Variants in CCDC15 observed in about 807,000 individuals in gnomAD.
CCDC15 encodes the protein coiled-coil domain containing 15, also known as coiled-coil domain-containing protein 15.
In CCDC15, 105 loss-of-function variants were observed where a neutral mutation model predicts 114.5. That is an observed-to-expected ratio of 0.92 (90% CI 0.78 to 1.08). The LOEUF (loss-of-function observed/expected upper bound fraction) is 1.08. CCDC15 is among the 50% of genes least tolerant of loss of function. The pLI, the probability that CCDC15 is intolerant of heterozygous loss-of-function variation, is 0.00. For missense variants in CCDC15, 1,105 were observed against 1,093.6 expected, an observed-to-expected ratio of 1.01 and a Z score of -0.15; for synonymous variants, 334 against 377.8, an observed-to-expected ratio of 0.88 and a Z score of 1.34.
Position 124,987,479 on chromosome 11 carries a change from C to G in CCDC15, c.1253C>G (p.Ala418Gly). 6.2e-7 allele frequency: 1 copy of G among 1,613,910 alleles called. No individual in the cohort carries two copies. Among genetic ancestry groups the G allele is most frequent in the Non-Finnish European group, 8.5e-7 (1 of 1,179,854 alleles). The change falls in exon 8 of 16, where the codon GCT becomes GGT. Residue 418 changes from alanine to glycine, a missense_variant. Physicochemically the swap from Ala to Gly is moderately conservative, Grantham distance 60. Coordinates refer to ENST00000344762, the MANE Select transcript of CCDC15 (RefSeq NM_025004.3). The stretch of plus-strand genomic sequence containing the variant: ...CAGGATTTTCTACCCACAAATCAGG[C>G]TCTTCTAACGAAAAACCAGGATGTT... ...KTQDFLPTNQ[A>G]LLTKNQDVLL...
chr11:125,020,500 T>C (rs4936969), intron 13 of CCDC15, among the ~76,000 whole-genome samples: 121,361 of 151,908 alleles, frequency 0.8, 48,689 homozygotes, highest in East Asian at 0.93. Flanking sequence ...GAATTCTCTT[T>C]GAAATGCAAA....
Position 124,987,331 on chromosome 11 carries a change from G to T in CCDC15, c.1105G>T (p.Val369Phe). The stretch of plus-strand genomic sequence containing the variant: ...CCAGGCTGTTGAAATGAAGGTTCAG[G>T]TTACTGAGCCAGAAGGCCAGGCCAT... ...DTQAVEMKVQ[V>F]TEPEGQAIEP... The change falls in exon 8 of 16, where the codon GTT (valine) becomes TTT (phenylalanine). Residue 369 changes from valine (V) to phenylalanine (F), a missense_variant. By Grantham distance (50) the Val-to-Phe change is conservative. Transcript: ENST00000344762. The T allele has an allele frequency of 6.2e-7, 1 of 1,613,824 alleles. No homozygotes were observed. The highest frequency in any genetic ancestry group is 8.5e-7 in the Non-Finnish European group (1 of 1,179,852).
intron 4 of CCDC15, among the ~76,000 whole-genome samples, chr11:124,974,420 T>C (rs959183456): frequency 9.9e-5 from 15 of 152,224 alleles, no homozygotes; most frequent in African/African-American, 3.6e-4. Flanking sequence ...TTTCTGGAGA[T>C]AAGGAATGAA....
chr11:125,028,367 A>G (rs1948718710), intron 13 of CCDC15, among the ~76,000 whole-genome samples: 1 of 152,146 alleles, frequency 6.6e-6, no homozygotes, highest in African/African-American at 2.4e-5. Context: ...CGTCATTTTA[A>G]CAATGTTGAT....
chr11:125,015,155 A>G (rs1438435387), intron 13 of CCDC15, among the ~76,000 whole-genome samples: 1 of 152,190 alleles, frequency 6.6e-6, no homozygotes, highest in Non-Finnish European at 1.5e-5. Flanking sequence ...TTAATATAAA[A>G]TTAAAAAGGC....
rs543296409 is a variant in CCDC15 at position 124,986,718 on chromosome 11, C to A, written c.754-24C>A. 5 of 1,529,830 alleles carry A rather than the reference C, an allele frequency of 3.3e-6. 1 individual carries two copies. In the South Asian group the frequency reaches 3.7e-5, roughly 11 times the overall value. 94.8% of individuals were successfully genotyped at this position (1,529,830 alleles called of 1,614,324 possible). ...GTGTGTGTGCGCGCGCGCGCGTGCG[C>A]GTTTTCATTGTTTTTTTCTTTAGGA... is the stretch of plus-strand genomic sequence containing the variant. On this transcript the variant is annotated intron_variant, in intron 6 of 15. Coordinates refer to ENST00000344762, the MANE Select transcript of CCDC15 (RefSeq NM_025004.3).
At chr11:125,021,361 A>G (rs1202197505) in intron 13 of CCDC15, among the ~76,000 whole-genome samples, 1 of 151,834 alleles carries the variant, frequency 6.6e-6, no homozygotes, top group Non-Finnish European at 1.5e-5. Context: ...CCTTTTCTTC[A>G]TTATTGTTCC....
intron 4 of CCDC15, 140 bp downstream of exon 4, chr11:124,960,143 T>A: frequency 1.8e-6 from 1 of 547,372 alleles, no homozygotes. Context: ...CCCTTTTTTT[T>A]TTTTTTTAGC....
chr11:124,991,379 C>A (rs1273116804), intron 8 of CCDC15, 82 bp from the exon 9 acceptor site: 2 of 911,712 alleles, frequency 2.2e-6, no homozygotes, highest in Non-Finnish European at 1.6e-6. Context: ...TACCCTTTGG[C>A]CTTCAATGAA....
At chr11:125,022,563 T>C (rs755119511) in intron 13 of CCDC15, among the ~76,000 whole-genome samples, 1 of 151,900 alleles carries the variant, frequency 6.6e-6, no homozygotes, top group East Asian at 1.9e-4. Flanking sequence ...TACCATCTCT[T>C]GTGTGTTTTT....
At chr11:124,962,175 A>G (rs1444370446) in intron 4 of CCDC15, among the ~76,000 whole-genome samples, 1 of 152,172 alleles carries the variant, frequency 6.6e-6, no homozygotes, top group Non-Finnish European at 1.5e-5. Flanking sequence ...GTTTTTATCC[A>G]CTAGATGTCA....
chr11:124,972,481 A>G (rs1947903240), intron 4 of CCDC15, among the ~76,000 whole-genome samples: 1 of 152,218 alleles, frequency 6.6e-6, no homozygotes, highest in Non-Finnish European at 1.5e-5. Flanking sequence ...ATTATTGCAT[A>G]ATTTAATTTA....
At chr11:124,991,354 T>C in intron 8 of CCDC15, 107 bp from the exon 9 acceptor site, 1 of 646,670 alleles carries the variant, frequency 1.5e-6, no homozygotes, top group Non-Finnish European at 2.4e-6. Context: ...TGTTTTATAT[T>C]ATCCTGAAAA....
At chr11:125,038,670 A>C (rs754085377) in intron 14 of CCDC15, 66 bp downstream of exon 14, 1 of 1,342,874 alleles carries the variant, frequency 7.4e-7, no homozygotes, top group Non-Finnish European at 1.0e-6. Context: ...CATTGTTCTC[A>C]TTTTCCTTAG....
chr11:124,959,158 G>GA lies in CCDC15; in HGVS notation c.228dup (p.Gln77ThrfsTer12). On this transcript the variant is annotated frameshift_variant, in exon 3 of 16. Coordinates refer to ENST00000344762, the MANE Select transcript of CCDC15 (RefSeq NM_025004.3). LOFTEE classifies it high-confidence loss of function. ...GAAGAAGAACTAAAGGAACAGCTAA[G>GA]AAAAAAACAAGAAGCTTTGAAACAT... The GA allele has an allele frequency of 1.3e-6, 2 of 1,586,754 alleles. No individual in the cohort carries two copies. Among genetic ancestry groups the GA allele is most frequent in the South Asian group, 1.2e-5 (1 of 85,166 alleles).
chr11:124,958,776 TA>T (rs1273319573), intron 2 of CCDC15, among the ~76,000 whole-genome samples: 2 of 152,180 alleles, frequency 1.3e-5, no homozygotes, highest in Non-Finnish European at 2.9e-5. Context: ...CATGCCAGGT[TA>T]AAAATGGAGC....
intron 6 of CCDC15, among the ~76,000 whole-genome samples, chr11:124,982,840 T>C (rs565058487): frequency 2.0e-5 from 3 of 152,330 alleles, no homozygotes; most frequent in Admixed American, 6.5e-5. Context: ...TTGGCCTCTC[T>C]AGCCAGGTTG....
intron 6 of CCDC15, among the ~76,000 whole-genome samples, chr11:124,981,661 C>T (rs769305126): frequency 2.1e-4 from 32 of 152,072 alleles, no homozygotes; most frequent in Non-Finnish European, 1.9e-4. Context: ...ACTCTGTCGT[C>T]CAGGCAGGAG....
At chr11:125,011,750 A>G (rs1948594756) in intron 13 of CCDC15, among the ~76,000 whole-genome samples, 1 of 151,290 alleles carries the variant, frequency 6.6e-6, no homozygotes, top group Admixed American at 6.6e-5. Context: ...CCTTACATCT[A>G]AGTATTTTAA....
Sources: gnomAD v4.1 joint callset for allele counts (sites outside exome capture counted in the v4.1 genomes callset) on GRCh38, gnomAD v4.1.1 for gene constraint, MANE v1.5 for transcripts, NCBI Gene and HGNC (gene_info 2026-07-23, HGNC 2026-07-21) for gene names.